ARL15: variants seen among roughly 807,000 people sequenced by gnomAD.
ARL15 encodes the protein ADP-ribosylation factor-like protein 15.
A neutral mutation model predicts 25.2 loss-of-function variants in ARL15; 19 were observed. That is an observed-to-expected ratio of 0.75 (90% CI 0.53 to 1.10). The LOEUF is 1.10. Among genes scored for constraint, ARL15 ranks in the 50% least tolerant of loss-of-function variants. ARL15 has a pLI of 0.00. For synonymous variants in ARL15, 94 were observed against 86.8 expected, an observed-to-expected ratio of 1.08 and a Z score of -0.46; for missense variants, 220 against 246.0, an observed-to-expected ratio of 0.89 and a Z score of 0.71.
intron 1 of ARL15, among the ~76,000 whole-genome samples, chr5:54,174,993 T>C (rs1345272130): frequency 1.3e-5 from 2 of 152,212 alleles, no homozygotes; most frequent in Admixed American, 6.5e-5. Flanking sequence ...CTCAGCTCCT[T>C]GCCAGAATTC....
rs74658163 is a variant in ARL15 at position 54,289,407 on chromosome 5, G to A, written c.48+21025C>T. 5.3e-3 allele frequency among the ~76,000 whole-genome samples: 799 copies of A among 151,298 alleles called. 2 individuals carry two copies. Among genetic ancestry groups the A allele is most frequent in the Non-Finnish European group, 7.5e-3 (507 of 67,908 alleles). ...AATGTGCAGGAGAGGGTGGATTTCC[G>A]GTACTGCTATTTTTAAGAGCAGACG... On this transcript the variant is annotated intron_variant, in intron 1 of 4. Transcript: ENST00000504924.
chr5:54,229,079 C>T (rs968353975), intron 1 of ARL15, among the ~76,000 whole-genome samples: 4 of 152,110 alleles, frequency 2.6e-5, no homozygotes, highest in African/African-American at 7.2e-5. Flanking sequence ...TTTCTTACTA[C>T]TCACTGCTTG....
intron 4 of ARL15, among the ~76,000 whole-genome samples, chr5:53,973,340 G>A (rs549050629): frequency 4.8e-4 from 73 of 152,196 alleles, no homozygotes; most frequent in African/African-American, 1.7e-3. Flanking sequence ...TTGGGAAGCC[G>A]AGGCAGGTGG....
intron 2 of ARL15, among the ~76,000 whole-genome samples, chr5:54,171,462 GAAAGT>G (rs1201744282): frequency 6.6e-6 from 1 of 152,136 alleles, no homozygotes; most frequent in African/African-American, 2.4e-5. Context: ...TTCAAGGAAG[GAAAGT>G]ACTCTATGGG....
At chr5:54,200,000 T>C (rs1437243816) in intron 1 of ARL15, among the ~76,000 whole-genome samples, 1 of 151,448 alleles carries the variant, frequency 6.6e-6, no homozygotes, top group African/African-American at 2.4e-5. Context: ...TGTAGGAACG[T>C]GGATGAAATT....
intron 3 of ARL15, among the ~76,000 whole-genome samples, chr5:54,123,670 T>C (rs1032901183): frequency 1.3e-5 from 2 of 152,156 alleles, no homozygotes; most frequent in Non-Finnish European, 2.9e-5. Flanking sequence ...AATTACTATA[T>C]ATTAAAACAA....
chr5:54,033,047 G>C (rs1750042568), intron 4 of ARL15, among the ~76,000 whole-genome samples: 1 of 151,858 alleles, frequency 6.6e-6, no homozygotes, highest in Non-Finnish European at 1.5e-5. Flanking sequence ...AAAAAGACTG[G>C]CTGGGCATGG....
intron 4 of ARL15, among the ~76,000 whole-genome samples, chr5:53,968,211 GT>G (rs1747627623): frequency 6.6e-6 from 1 of 152,216 alleles, no homozygotes; most frequent in African/African-American, 2.4e-5. Context: ...TACAAAACTG[GT>G]TGTCTAAATA....
At chr5:54,196,839 A>C (rs1035411634) in intron 1 of ARL15, among the ~76,000 whole-genome samples, 1 of 152,202 alleles carries the variant, frequency 6.6e-6, no homozygotes, top group Non-Finnish European at 1.5e-5. Flanking sequence ...GTGAACATAC[A>C]GTTATGCCAG....
intron 3 of ARL15, among the ~76,000 whole-genome samples, chr5:54,125,222 C>T (rs964644184): frequency 4.0e-5 from 6 of 151,676 alleles, no homozygotes; most frequent in African/African-American, 1.2e-4. Flanking sequence ...TTAGTAGAGA[C>T]GGGGTTTCGC....
intron 4 of ARL15, among the ~76,000 whole-genome samples, chr5:54,045,479 A>G (rs1029077620): frequency 5.9e-5 from 9 of 152,340 alleles, no homozygotes; most frequent in African/African-American, 2.2e-4. Flanking sequence ...GATGCACGTC[A>G]TATCAGATAC....
At chr5:53,989,970 A>T (rs931073894) in intron 4 of ARL15, among the ~76,000 whole-genome samples, 2 of 152,166 alleles carry the variant, frequency 1.3e-5, no homozygotes, top group Admixed American at 1.3e-4. Context: ...ACTGTGGCTC[A>T]CACCTGTAAT....
intron 1 of ARL15, among the ~76,000 whole-genome samples, chr5:54,228,670 T>C (rs1388756880): frequency 6.6e-6 from 1 of 152,174 alleles, no homozygotes; most frequent in Non-Finnish European, 1.5e-5. Flanking sequence ...TTGTTCATCC[T>C]TTTCCTCTAG....
chr5:53,953,076 TCAGAACAATGA>T (rs1747030061), intron 4 of ARL15, among the ~76,000 whole-genome samples: 1 of 152,202 alleles, frequency 6.6e-6, no homozygotes, highest in Non-Finnish European at 1.5e-5. Flanking sequence ...ATATACTCAT[TCAGAACAATGA>T]CACAATGTTT....
chr5:54,128,726 G>A (rs994405214), intron 3 of ARL15, among the ~76,000 whole-genome samples: 9 of 121,140 alleles, frequency 7.4e-5, no homozygotes, highest in Non-Finnish European at 1.5e-4. Flanking sequence ...TTTTTTTTGA[G>A]ATGGAGTCTC....
At position 54,177,448 on chromosome 5, in the gene ARL15, A is replaced by G. The variant is rs539937937; in HGVS notation, c.49-5520T>C. ...ACAAATATTGGAAAGAAAAGAAAGC[A>G]AAAGATAAAATTACTAGAGTAAAAT... On this transcript the variant is annotated intron_variant, in intron 1 of 4. Coordinates refer to ENST00000504924, the MANE Select transcript of ARL15 (RefSeq NM_019087.3). 1.1e-3 allele frequency among the ~76,000 whole-genome samples: 175 copies of G among 152,350 alleles called. 1 individual carries two copies. The highest frequency in any genetic ancestry group is 4.1e-3 in the African/African-American group (170 of 41,572).
intron 3 of ARL15, among the ~76,000 whole-genome samples, chr5:54,124,687 G>A (rs931334901): frequency 6.6e-6 from 1 of 152,244 alleles, no homozygotes; most frequent in African/African-American, 2.4e-5. Flanking sequence ...CCCATATTTT[G>A]TATTTTCATA....
At chr5:53,966,907 G>A (rs928228330) in intron 4 of ARL15, among the ~76,000 whole-genome samples, 1 of 152,142 alleles carries the variant, frequency 6.6e-6, no homozygotes, top group Non-Finnish European at 1.5e-5. Context: ...ATAAGGCTTT[G>A]ATTATAATAA....
At chr5:54,240,245 A>AC (rs1225311187) in intron 1 of ARL15, among the ~76,000 whole-genome samples, 4 of 144,110 alleles carry the variant, frequency 2.8e-5, no homozygotes, top group Non-Finnish European at 4.5e-5. Context: ...AAAAAAAAAA[A>AC]ACACATCGCC....
Sources: gnomAD v4.1 joint callset for allele counts (sites outside exome capture counted in the v4.1 genomes callset) on GRCh38, gnomAD v4.1.1 for gene constraint, MANE v1.5 for transcripts, NCBI Gene and HGNC (gene_info 2026-07-23, HGNC 2026-07-21) for gene names.